Variants in DSCAM observed in about 807,000 individuals in gnomAD.
DSCAM encodes cell adhesion molecule DSCAM.
In DSCAM, 47 loss-of-function variants were observed where a neutral mutation model predicts 217.7. The ratio of observed to expected loss-of-function variants is 0.22; its 90% CI spans 0.17 to 0.28. The LOEUF is 0.28. Among genes scored for constraint, DSCAM ranks in the 10% least tolerant of loss-of-function variants. DSCAM has a pLI of 1.00. For missense variants in DSCAM, 2,080 were observed against 2,618.3 expected (o/e 0.79, Z 4.49); for synonymous variants, 1,056 against 1,015.3 (o/e 1.04, Z -0.76).
Position 40,773,790 on chromosome 21 carries a change from G to T in DSCAM, c.44-65019C>A, listed in dbSNP as rs145510773. Reference sequence around the variant, plus strand: ...GAAGTTCCCCTCTGCTAGGCTGCCTGCCCTTTAAACAAGGCAAGTGTGAGA... The same window carrying T: ...GAAGTTCCCCTCTGCTAGGCTGCCTTCCCTTTAAACAAGGCAAGTGTGAGA... On this transcript the variant is annotated intron_variant, in intron 1 of 32. Transcript: ENST00000400454. 7.7e-3 allele frequency among the ~76,000 whole-genome samples: 1,171 copies of T among 152,338 alleles called. 17 individuals are homozygous for T. The highest frequency in any genetic ancestry group is 0.027 in the African/African-American group (1,121 of 41,584).
At chr21:40,656,522 GAA>G (rs35455991) in intron 3 of DSCAM, among the ~76,000 whole-genome samples, 4 of 138,094 alleles carry the variant, frequency 2.9e-5, no homozygotes, top group African/African-American at 1.1e-4. Context: ...TGCTTCAATA[GAA>G]AAAAAAAAAA....
chr21:40,139,035 AGTGTGTGTT>A (rs959577364), intron 18 of DSCAM, among the ~76,000 whole-genome samples: 1 of 113,662 alleles, frequency 8.8e-6, no homozygotes, highest in Non-Finnish European at 1.8e-5. Context: ...GTGTGTGTGT[AGTGTGTGTT>A]GTGTGTGTGT....
At chr21:40,692,635 C>T (rs897541359) in intron 3 of DSCAM, among the ~76,000 whole-genome samples, 175 bp downstream of exon 3, 5 of 152,190 alleles carry the variant, frequency 3.3e-5, no homozygotes, top group African/African-American at 1.2e-4. Context: ...TGAATCAAGC[C>T]ATTATAAGCC....
At chr21:40,399,794 T>C (rs2075217487) in intron 3 of DSCAM, among the ~76,000 whole-genome samples, 1 of 152,244 alleles carries the variant, frequency 6.6e-6, no homozygotes, top group Non-Finnish European at 1.5e-5. Flanking sequence ...ATTATAAACG[T>C]TGACTCACAT....
At chr21:40,309,438 AC>A (rs2074114661) in intron 9 of DSCAM, among the ~76,000 whole-genome samples, 1 of 152,094 alleles carries the variant, frequency 6.6e-6, no homozygotes, top group Admixed American at 6.6e-5. Flanking sequence ...GCCACAGTCC[AC>A]TGGATTTTCT....
chr21:40,603,576 C>A (rs1217545701), intron 3 of DSCAM, among the ~76,000 whole-genome samples: 3 of 152,158 alleles, frequency 2.0e-5, no homozygotes, highest in African/African-American at 4.8e-5. Flanking sequence ...ATTCTTTTAA[C>A]CTTTCTTAAA....
chr21:40,074,147 G>A (rs1323171918), intron 27 of DSCAM, among the ~76,000 whole-genome samples: 7 of 152,200 alleles, frequency 4.6e-5, no homozygotes, highest in Admixed American at 1.3e-4. Flanking sequence ...AAATGTATCA[G>A]TAAAGTTTGG....
intron 23 of DSCAM, among the ~76,000 whole-genome samples, chr21:40,084,448 T>C (rs1482386878): frequency 3.4e-5 from 5 of 149,176 alleles, no homozygotes; most frequent in African/African-American, 7.4e-5. Flanking sequence ...AAATAGCTAG[T>C]GGGAAAAAGA....
At chr21:40,160,187 T>C (rs2146757172) in intron 16 of DSCAM, among the ~76,000 whole-genome samples, 1 of 152,286 alleles carries the variant, frequency 6.6e-6, no homozygotes, top group African/African-American at 2.4e-5. Context: ...TTCTTGGTTA[T>C]GACATAATGA....
chr21:40,107,103 C>A (rs968531839), intron 20 of DSCAM, among the ~76,000 whole-genome samples: 19 of 152,108 alleles, frequency 1.2e-4, no homozygotes, highest in African/African-American at 4.6e-4. Flanking sequence ...TTGACGTGGG[C>A]ATTTAGTACT....
At chr21:40,362,786 T>C (rs1569085457) in intron 4 of DSCAM, among the ~76,000 whole-genome samples, 1 of 152,186 alleles carries the variant, frequency 6.6e-6, no homozygotes, top group Non-Finnish European at 1.5e-5. Context: ...GATTCTTCTT[T>C]CTTTCTTTAT....
chr21:40,712,538 G>C (rs530746822), intron 1 of DSCAM, among the ~76,000 whole-genome samples: 8 of 142,464 alleles, frequency 5.6e-5, no homozygotes, highest in African/African-American at 2.1e-4. Flanking sequence ...TTGATTTTTA[G>C]TTAAACTTCA....
intron 6 of DSCAM, 151 bp from the exon 7 acceptor site, chr21:40,339,566 A>G: frequency 3.9e-6 from 3 of 759,694 alleles, no homozygotes; most frequent in Non-Finnish European, 6.2e-6. Flanking sequence ...AACGTTAATC[A>G]GAACAAGAGT....
At chr21:40,766,349 T>TTTTTTTTTC (rs529735263) in intron 1 of DSCAM, among the ~76,000 whole-genome samples, 1 of 152,096 alleles carries the variant, frequency 6.6e-6, no homozygotes, top group African/African-American at 2.4e-5. Context: ...ATATATATTT[T>TTTTTTTTTC]CAAAGGATTA....
At chr21:40,724,812 A>G (rs1055527616) in intron 1 of DSCAM, among the ~76,000 whole-genome samples, 24 of 152,332 alleles carry the variant, frequency 1.6e-4, no homozygotes, top group Middle Eastern at 6.8e-3. Flanking sequence ...TACACTGTTG[A>G]GCATTATTTT....
chr21:40,342,745 C>CTTT lies in DSCAM; in HGVS notation c.1211-3333_1211-3331dup, dbSNP rs1217476912. Among the ~76,000 whole-genome samples the CTTT allele has an allele frequency of 4.1e-3, 272 of 67,156 alleles. 3 individuals are homozygous for CTTT. The highest frequency in any genetic ancestry group is 5.0e-3 in the African/African-American group (72 of 14,430). 44.1% of individuals were successfully genotyped at this position (67,156 alleles called of 152,430 possible). A position where few individuals can be genotyped will look rare whatever the true frequency, so the allele number is the denominator to read the frequency against. On this transcript the variant is annotated intron_variant, in intron 6 of 32. Coordinates refer to ENST00000400454, the MANE Select transcript of DSCAM (RefSeq NM_001389.5). ...CTGGGACTGCAGGTGCACACCACGC[C>CTTT]TTTTTTTTTTTTTTTTTTTTTTGTA...
At chr21:40,607,027 T>G (rs892659657) in intron 3 of DSCAM, among the ~76,000 whole-genome samples, 5 of 152,238 alleles carry the variant, frequency 3.3e-5, no homozygotes, top group African/African-American at 1.2e-4. Flanking sequence ...CGTGGAACTC[T>G]GAGTCCATTA....
intron 1 of DSCAM, among the ~76,000 whole-genome samples, chr21:40,819,138 C>T (rs966110442): frequency 3.9e-5 from 6 of 152,102 alleles, no homozygotes; most frequent in African/African-American, 9.7e-5. Context: ...AGGAAAAACA[C>T]GGAACACAAA....
At chr21:40,489,570 C>T (rs931371137) in intron 3 of DSCAM, among the ~76,000 whole-genome samples, 4 of 151,632 alleles carry the variant, frequency 2.6e-5, no homozygotes, top group Admixed American at 6.6e-5. Flanking sequence ...GTCAGGAGAT[C>T]GAGACCATCC....
Sources: gnomAD v4.1 joint callset for allele counts (sites outside exome capture counted in the v4.1 genomes callset) on GRCh38, gnomAD v4.1.1 for gene constraint, MANE v1.5 for transcripts, NCBI Gene and HGNC (gene_info 2026-07-23, HGNC 2026-07-21) for gene names.